The following IKZF2 variants were observed in gnomAD, a reference collection of about 807,000 sequenced individuals.
IKZF2 encodes the protein IKAROS family zinc finger 2.
IKZF2 carries 15 observed loss-of-function variants against 49.2 expected under a neutral mutation model. The observed-to-expected ratio is 0.30, with a 90% CI of 0.20 to 0.47. IKZF2 has a LOEUF of 0.47. Among genes scored for constraint, IKZF2 ranks in the 20% least tolerant of loss-of-function variants. The probability of loss-of-function intolerance (pLI) is 1.00; values close to 1 mark genes in which losing one functional copy is unlikely to be tolerated. For missense variants in IKZF2, 567 were observed against 664.6 expected (o/e 0.85, Z 1.61); for synonymous variants, 227 against 221.4 (o/e 1.03, Z -0.23).
intron 6 of IKZF2, among the ~76,000 whole-genome samples, chr2:213,045,174 T>C (rs535493260): frequency 6.6e-6 from 1 of 152,190 alleles, no homozygotes; most frequent in Non-Finnish European, 1.5e-5. Flanking sequence ...AGTGAAACCA[T>C]CAGAAAACTG....
chr2:213,144,909 G>T (rs2060995448), intron 4 of IKZF2, among the ~76,000 whole-genome samples: 1 of 151,772 alleles, frequency 6.6e-6, no homozygotes, highest in Non-Finnish European at 1.5e-5. Context: ...AAAACTGTCA[G>T]GCATTATAAC....
At chr2:213,149,781 C>G (rs573180832) in intron 2 of IKZF2, among the ~76,000 whole-genome samples, 3 of 130,686 alleles carry the variant, frequency 2.3e-5, no homozygotes, top group Admixed American at 2.2e-4. Flanking sequence ...TCCCTTACCC[C>G]CCCCCCAAAA....
chr2:213,048,401 G>T (rs768167363), intron 6 of IKZF2, among the ~76,000 whole-genome samples: 6 of 151,934 alleles, frequency 3.9e-5, no homozygotes, highest in Non-Finnish European at 7.4e-5. Flanking sequence ...ATATGTTCAC[G>T]AAGATCTATT....
rs1694740401 is a variant in IKZF2, at chr2:212,999,895, A to G, written c.*7465T>C. On this transcript the variant is annotated 3_prime_UTR_variant, in exon 9 of 9. Transcript: ENST00000434687. Reference sequence around the variant, plus strand: ...TATAATCCTTTTCACAAAGTATTACAAAGTTTCTGCAGCTTCTTTAGTTGT... The same window carrying G: ...TATAATCCTTTTCACAAAGTATTACGAAGTTTCTGCAGCTTCTTTAGTTGT... The G allele has an allele frequency of 6.6e-6, 1 of 152,234 alleles. No individual in the cohort carries two copies. Among genetic ancestry groups the G allele is most frequent in the Admixed American group, 6.6e-5 (1 of 15,182 alleles). 9.4% of individuals were successfully genotyped at this position (152,234 alleles called of 1,614,324 possible).
rs1255677182 is a variant in IKZF2 at position 213,005,033 on chromosome 2, G to A, written c.*2327C>T. 4 of 152,238 alleles carry A rather than the reference G, an allele frequency of 2.6e-5. No individual in the cohort carries two copies. The highest frequency in any genetic ancestry group is 2.0e-4 in the Admixed American group (3 of 15,174). The allele number at this position is 152,238 out of a possible 1,614,324, so 9.4% of individuals were successfully genotyped here. A position where few individuals can be genotyped will look rare whatever the true frequency, so the allele number is the denominator to read the frequency against. On this transcript the variant is annotated 3_prime_UTR_variant, in exon 9 of 9. Coordinates refer to ENST00000434687, the MANE Select transcript of IKZF2 (RefSeq NM_001387220.1). ...GGAAGAAAATTCATAGATAATGCCAGCAGAAATTCGCACACAGCCAAAATT... is the reference window on the plus strand; with the variant it reads ...GGAAGAAAATTCATAGATAATGCCAACAGAAATTCGCACACAGCCAAAATT...
intron 4 of IKZF2, among the ~76,000 whole-genome samples, chr2:213,110,737 T>C (rs1030898708): frequency 1.3e-5 from 2 of 152,010 alleles, no homozygotes; most frequent in Admixed American, 6.6e-5. Context: ...TTTATATAAA[T>C]TTATACTCCC....
At chr2:213,134,058 T>C (rs2060569094) in intron 4 of IKZF2, among the ~76,000 whole-genome samples, 1 of 152,242 alleles carries the variant, frequency 6.6e-6, no homozygotes, top group South Asian at 2.1e-4. Flanking sequence ...AGCAGATTAA[T>C]TTTTTAAAAA....
rs751327993 is a variant in IKZF2, at chr2:213,003,590, G to T, written c.*3770C>A. 1.3e-5 allele frequency: 2 copies of T among 151,618 alleles called. No homozygotes were observed. Among genetic ancestry groups the T allele is most frequent in the African/African-American group, 4.8e-5 (2 of 41,384 alleles). The allele number at this position is 151,618 out of a possible 1,614,324, so 9.4% of individuals were successfully genotyped here. On this transcript the variant is annotated 3_prime_UTR_variant, in exon 9 of 9. Coordinates refer to ENST00000434687, the MANE Select transcript of IKZF2 (RefSeq NM_001387220.1). The stretch of plus-strand genomic sequence containing the variant: ...TTTTTGCTTGTATTTTTACAGCCCC[G>T]TCTGCTCTTTTTGTACCCTAAGAAA...
chr2:213,088,994 A>G (rs1464243836), intron 4 of IKZF2, among the ~76,000 whole-genome samples: 1 of 152,196 alleles, frequency 6.6e-6, no homozygotes, highest in Admixed American at 6.5e-5. Context: ...AAGGGAAACC[A>G]TAATTGCACT....
At chr2:213,129,008 C>T (rs2060377022) in intron 4 of IKZF2, among the ~76,000 whole-genome samples, 1 of 151,726 alleles carries the variant, frequency 6.6e-6, no homozygotes, top group African/African-American at 2.4e-5. Context: ...ACTTTCGCCT[C>T]AATGTACAGG....
chr2:213,036,659 C>T (rs1699059745), intron 6 of IKZF2, among the ~76,000 whole-genome samples: 1 of 152,044 alleles, frequency 6.6e-6, no homozygotes, highest in Non-Finnish European at 1.5e-5. Flanking sequence ...CATCATATTT[C>T]TATACAATTT....
At chr2:213,114,262 T>G (rs1329617713) in intron 4 of IKZF2, among the ~76,000 whole-genome samples, 1 of 151,408 alleles carries the variant, frequency 6.6e-6, no homozygotes, top group Non-Finnish European at 1.5e-5. Flanking sequence ...GTGCAACGGG[T>G]TTTTTTTTAC....
chr2:213,106,824 G>A (rs2059548149), intron 4 of IKZF2, among the ~76,000 whole-genome samples: 1 of 151,870 alleles, frequency 6.6e-6, no homozygotes, highest in African/African-American at 2.4e-5. Context: ...AACACATTAA[G>A]TAATACATAT....
At chr2:213,106,268 G>A (rs1339074734) in intron 4 of IKZF2, among the ~76,000 whole-genome samples, 10 of 151,742 alleles carry the variant, frequency 6.6e-5, no homozygotes, top group African/African-American at 1.9e-4. Flanking sequence ...ATGGAAAGAC[G>A]GCACCAATCT....
At chr2:213,123,825 C>A (rs1336865873) in intron 4 of IKZF2, among the ~76,000 whole-genome samples, 5 of 151,838 alleles carry the variant, frequency 3.3e-5, no homozygotes, top group African/African-American at 1.2e-4. Flanking sequence ...TGATAGTATT[C>A]TAAATACAAG....
intron 4 of IKZF2, among the ~76,000 whole-genome samples, chr2:213,094,188 T>A (rs1705691888): frequency 6.6e-6 from 1 of 152,138 alleles, no homozygotes; most frequent in Non-Finnish European, 1.5e-5. Context: ...GGGTTCAAAT[T>A]TCCATCTCTT....
intron 4 of IKZF2, among the ~76,000 whole-genome samples, chr2:213,104,521 T>C (rs761274405): frequency 9.2e-5 from 14 of 152,142 alleles, no homozygotes; most frequent in Non-Finnish European, 1.5e-4. Flanking sequence ...TTTCTAACTA[T>C]TGAAATGAAA....
At chr2:213,144,639 G>A (rs146501441) in intron 4 of IKZF2, among the ~76,000 whole-genome samples, 2 of 151,976 alleles carry the variant, frequency 1.3e-5, no homozygotes, top group South Asian at 2.1e-4. Context: ...ACTTAACACT[G>A]TGTATTTCCA....
intron 4 of IKZF2, among the ~76,000 whole-genome samples, chr2:213,129,553 G>A (rs2060403258): frequency 6.6e-6 from 1 of 151,904 alleles, no homozygotes. Flanking sequence ...GTCAGAGATG[G>A]AGGCAGGGCC....
Sources: allele counts gnomAD v4.1 joint callset (sites outside exome capture counted in the v4.1 genomes callset), GRCh38; gene constraint gnomAD v4.1.1; transcripts MANE v1.5; gene names NCBI Gene and HGNC (gene_info 2026-07-23, HGNC 2026-07-21).